NFU1: variants seen among roughly 807,000 people sequenced by gnomAD.
The protein encoded by NFU1 is NFU1 iron-sulfur cluster scaffold homolog, mitochondrial.
In NFU1, 30 loss-of-function variants were observed where a neutral mutation model predicts 32.2. The ratio of observed to expected loss-of-function variants is 0.93; its 90% CI spans 0.70 to 1.26. The LOEUF (loss-of-function observed/expected upper bound fraction) is 1.26, where lower values mean the gene tolerates loss of function less well. NFU1 is among the 50% of genes most tolerant of loss of function. The pLI is 0.00. For synonymous variants in NFU1, 112 were observed against 104.6 expected (o/e 1.07, Z -0.43); for missense variants, 306 against 306.6 (o/e 1.00, Z 0.02).
intron 1 of NFU1, among the ~76,000 whole-genome samples, chr2:69,433,559 T>TC (rs1673723350): frequency 6.6e-6 from 1 of 151,834 alleles, no homozygotes; most frequent in Non-Finnish European, 1.5e-5. Flanking sequence ...TACTGCAACC[T>TC]CCACCTCCTG....
chr2:69,422,204 A>G (rs1192112688), intron 3 of NFU1, among the ~76,000 whole-genome samples: 5 of 152,172 alleles, frequency 3.3e-5, no homozygotes, highest in Non-Finnish European at 2.9e-5. Context: ...ACATGGATAC[A>G]CTAGAAAAGG....
At chr2:69,416,601 G>T (rs1350194878) in intron 4 of NFU1, among the ~76,000 whole-genome samples, 1 of 151,872 alleles carries the variant, frequency 6.6e-6, no homozygotes, top group Non-Finnish European at 1.5e-5. Flanking sequence ...TACTTAAAGG[G>T]TATGAAAGAA....
At chr2:69,410,218 A>C (rs565663238) in intron 5 of NFU1, among the ~76,000 whole-genome samples, 30 of 152,118 alleles carry the variant, frequency 2.0e-4, no homozygotes, top group African/African-American at 6.5e-4. Context: ...GTGAAACCCT[A>C]TCTCTACTAA....
chr2:69,419,343 A>G (rs1673165273), intron 4 of NFU1, among the ~76,000 whole-genome samples, 195 bp downstream of exon 4: 1 of 152,136 alleles, frequency 6.6e-6, no homozygotes. Context: ...AAAGAAAAAG[A>G]AAAGAAAAAG....
intron 2 of NFU1, chr2:69,429,931 A>C: frequency 3.6e-6 from 1 of 279,198 alleles, no homozygotes; most frequent in Non-Finnish European, 7.2e-6. Flanking sequence ...TGGGAGACTG[A>C]GGTGGGAGGA....
chr2:69,425,126 C>T (rs1311825018), intron 2 of NFU1, among the ~76,000 whole-genome samples: 1 of 151,932 alleles, frequency 6.6e-6, no homozygotes, highest in Non-Finnish European at 1.5e-5. Context: ...GATCTGCCCG[C>T]CTCGGCCTCA....
intron 1 of NFU1, among the ~76,000 whole-genome samples, chr2:69,434,467 GAA>G (rs1308787899): frequency 1.3e-5 from 2 of 152,078 alleles, no homozygotes; most frequent in Non-Finnish European, 2.9e-5. Flanking sequence ...CTCTTACAGA[GAA>G]AACTTAATTG....
chr2:69,432,936 G>T (rs1460989523), intron 1 of NFU1, among the ~76,000 whole-genome samples: 1 of 151,932 alleles, frequency 6.6e-6, no homozygotes, highest in African/African-American at 2.4e-5. Context: ...GATCACCTGA[G>T]GTCAGGAGTT....
In NFU1 at chr2:69,423,595, A is replaced by G. The variant is rs377043317; in HGVS notation, c.289T>C (p.Ser97Pro). 2 of 1,613,540 alleles carry G rather than the reference A, an allele frequency of 1.2e-6. No individual in the cohort carries two copies. The highest frequency in any genetic ancestry group is 1.7e-6 in the Non-Finnish European group (2 of 1,179,966). The change falls in exon 3 of 8, where the codon TCC becomes CCC. Residue 97 changes from serine (S) to proline (P), a missense_variant. By Grantham distance (74) the Ser-to-Pro change is moderately conservative. Coordinates refer to ENST00000410022, the MANE Select transcript of NFU1 (RefSeq NM_001002755.4). ...DFPTPAAAFR[S>P]PLARQLFRIE... Reference sequence around the variant, plus strand: ...ACAGTAATATACCTAGCCAGAGGGGAGCGAAATGCTGCAGCTGGGGTGGGA... The same window carrying G: ...ACAGTAATATACCTAGCCAGAGGGGGGCGAAATGCTGCAGCTGGGGTGGGA...
intron 2 of NFU1, among the ~76,000 whole-genome samples, chr2:69,428,206 C>T (rs1673528740): frequency 6.6e-6 from 1 of 152,080 alleles, no homozygotes; most frequent in African/African-American, 2.4e-5. Flanking sequence ...AGGCGGATCA[C>T]CTGAGGTCAG....
intron 4 of NFU1, among the ~76,000 whole-genome samples, chr2:69,418,739 G>C (rs575130177): frequency 2.6e-5 from 4 of 152,012 alleles, no homozygotes; most frequent in Non-Finnish European, 4.4e-5. Context: ...AAAGTGCTGG[G>C]ATTACAGGCG....
intron 7 of NFU1, among the ~76,000 whole-genome samples, chr2:69,396,913 A>T (rs940613643): frequency 6.6e-6 from 1 of 151,690 alleles, no homozygotes; most frequent in Non-Finnish European, 1.5e-5. Flanking sequence ...TCTACTAAAA[A>T]TACAAAAAAT....
chr2:69,428,403 C>T lies in NFU1; in HGVS notation c.166+3499G>A, dbSNP rs139251986. On this transcript the variant is annotated intron_variant, in intron 2 of 7. Coordinates refer to ENST00000410022, the MANE Select transcript of NFU1 (RefSeq NM_001002755.4). ...TCCAGCCACCACGCACTCCAGCCTG[C>T]GAGACATAGTGAGACTCTGTCTCAA... Among the ~76,000 whole-genome samples, 1,442 of 151,372 alleles carry T rather than the reference C, an allele frequency of 9.5e-3. 23 individuals carry two copies. The highest frequency in any genetic ancestry group is 0.032 in the African/African-American group (1,327 of 41,214).
intron 5 of NFU1, among the ~76,000 whole-genome samples, chr2:69,409,001 G>A (rs1240269821): frequency 1.3e-5 from 2 of 150,402 alleles, no homozygotes; most frequent in East Asian, 2.0e-4. Flanking sequence ...CACCACACCT[G>A]GCTAATTTTT....
intron 1 of NFU1, 35 bp downstream of exon 1, chr2:69,437,326 G>T: frequency 6.3e-7 from 1 of 1,592,928 alleles, no homozygotes. Context: ...AAGCCCAGCG[G>T]CACACCTATT....
At chr2:69,404,383 T>G (rs1395116594) in intron 6 of NFU1, among the ~76,000 whole-genome samples, 3 of 149,204 alleles carry the variant, frequency 2.0e-5, no homozygotes, top group Non-Finnish European at 4.4e-5. Context: ...TCCCAGCTAC[T>G]CAGGAGGCTG....
intron 5 of NFU1, among the ~76,000 whole-genome samples, chr2:69,412,000 G>A (rs1369659019): frequency 1.3e-5 from 2 of 152,130 alleles, no homozygotes; most frequent in Non-Finnish European, 2.9e-5. Flanking sequence ...TGAGGCAGGA[G>A]GATCACTTGA....
intron 6 of NFU1, among the ~76,000 whole-genome samples, chr2:69,402,013 A>C (rs4374413): frequency 0.67 from 101,567 of 151,736 alleles, 35,648 homozygotes; most frequent in African/African-American, 0.9. Context: ...CCTGCCTCAG[A>C]CTCCCAGATA....
chr2:69,421,050 C>T (rs1329401022), intron 3 of NFU1, among the ~76,000 whole-genome samples: 2 of 151,522 alleles, frequency 1.3e-5, no homozygotes, highest in Non-Finnish European at 2.9e-5. Flanking sequence ...CAAAAAATAC[C>T]GAATTTAGCC....
Sources: gnomAD v4.1 joint callset for allele counts (sites outside exome capture counted in the v4.1 genomes callset) on GRCh38, gnomAD v4.1.1 for gene constraint, MANE v1.5 for transcripts, NCBI Gene and HGNC (gene_info 2026-07-23, HGNC 2026-07-21) for gene names.